The following CFAP77 variants were observed in gnomAD, a reference collection of about 807,000 sequenced individuals.
CFAP77 encodes cilia and flagella associated protein 77.
In CFAP77, 25 loss-of-function variants were observed where a neutral mutation model predicts 31.1. That is an observed-to-expected ratio of 0.80 (90% CI 0.59 to 1.12). The LOEUF (loss-of-function observed/expected upper bound fraction) is 1.12, where lower values mean the gene tolerates loss of function less well. CFAP77 is among the 50% of genes most tolerant of loss of function. CFAP77 has a pLI of 0.00. For synonymous variants in CFAP77, 151 were observed against 159.9 expected, an observed-to-expected ratio of 0.94 and a Z score of 0.42; for missense variants, 377 against 397.3, an observed-to-expected ratio of 0.95 and a Z score of 0.44.
chr9:132,512,983 G>A (rs1044733675), intron 3 of CFAP77, among the ~76,000 whole-genome samples: 3 of 152,040 alleles, frequency 2.0e-5, no homozygotes, highest in South Asian at 4.1e-4. Context: ...AGGTATAAAT[G>A]CTTTTATGAG....
intron 1 of CFAP77, among the ~76,000 whole-genome samples, chr9:132,479,540 G>A (rs974852100): frequency 1.3e-5 from 2 of 152,188 alleles, no homozygotes; most frequent in Admixed American, 1.3e-4. Context: ...CTGCTGCAGC[G>A]CATTGAACCT....
chr9:132,413,137 T>C (rs896019102), intron 1 of CFAP77, among the ~76,000 whole-genome samples: 15 of 152,234 alleles, frequency 9.9e-5, no homozygotes, highest in African/African-American at 3.6e-4. Flanking sequence ...TTTTCTCCAA[T>C]GAATAGGATC....
chr9:132,541,260 C>T (rs1353273963), intron 4 of CFAP77, among the ~76,000 whole-genome samples: 1 of 152,260 alleles, frequency 6.6e-6, no homozygotes, highest in Non-Finnish European at 1.5e-5. Context: ...CAGAGCTCAA[C>T]TCAGCAAACC....
At chr9:132,441,079 C>A (rs958325333) in intron 1 of CFAP77, among the ~76,000 whole-genome samples, 1 of 152,156 alleles carries the variant, frequency 6.6e-6, no homozygotes, top group Non-Finnish European at 1.5e-5. Flanking sequence ...TTCCCTTTTC[C>A]TCCTCTCTGC....
intron 5 of CFAP77, among the ~76,000 whole-genome samples, chr9:132,546,265 G>A (rs1342503206): frequency 2.0e-5 from 3 of 152,158 alleles, no homozygotes; most frequent in Non-Finnish European, 4.4e-5. Flanking sequence ...AGGGGTCCGG[G>A]CGGGTGGCCA....
At chr9:132,487,259 G>C (rs888919625) in intron 1 of CFAP77, among the ~76,000 whole-genome samples, 1 of 152,164 alleles carries the variant, frequency 6.6e-6, no homozygotes, top group Non-Finnish European at 1.5e-5. Context: ...CTTACCCAAG[G>C]TCACACGGGA....
chr9:132,451,995 G>T (rs1268463321), intron 1 of CFAP77, among the ~76,000 whole-genome samples: 1 of 151,846 alleles, frequency 6.6e-6, no homozygotes, highest in Admixed American at 6.6e-5. Flanking sequence ...TAGTAGAGAC[G>T]GGGTTTCACT....
intron 1 of CFAP77, among the ~76,000 whole-genome samples, chr9:132,467,848 G>A (rs1445299412): frequency 1.3e-5 from 2 of 152,120 alleles, no homozygotes; most frequent in African/African-American, 4.8e-5. Flanking sequence ...CCATATCCTT[G>A]CCAGCACTTG....
chr9:132,492,926 G>A (rs1025102651), intron 1 of CFAP77, among the ~76,000 whole-genome samples: 12 of 152,220 alleles, frequency 7.9e-5, no homozygotes, highest in Admixed American at 6.5e-5. Context: ...GGAGGTATCC[G>A]GGGCCAGGTG....
intron 1 of CFAP77, among the ~76,000 whole-genome samples, chr9:132,491,828 A>G (rs1215395861): frequency 6.6e-6 from 1 of 152,198 alleles, no homozygotes; most frequent in Non-Finnish European, 1.5e-5. Flanking sequence ...GTGCCGTAGG[A>G]ACTGAATTCT....
intron 3 of CFAP77, among the ~76,000 whole-genome samples, chr9:132,506,736 C>T (rs1851936744): frequency 6.6e-6 from 1 of 152,194 alleles, no homozygotes; most frequent in South Asian, 2.1e-4. Context: ...GGAGCATCCT[C>T]ATTAACTAAC....
Position 132,552,223 on chromosome 9 carries a change from G to C in CFAP77, c.732+9176G>C, listed in dbSNP as rs1293983174. The stretch of plus-strand genomic sequence containing the variant: ...AGGTCTGCATCTGTGAAGTGGGGAT[G>C]GCAACAGAGAGGACCAAGTGCAATC... On this transcript the variant is annotated intron_variant, in intron 5 of 5. Transcript: ENST00000393216. The surrounding 1 kb of genome is among the most constrained non-coding windows in gnomAD (Gnocchi z 5.5). Among the ~76,000 whole-genome samples the C allele has an allele frequency of 1.3e-5, 2 of 152,238 alleles. No homozygotes were observed. Among genetic ancestry groups the C allele is most frequent in the Non-Finnish European group, 2.9e-5 (2 of 68,044 alleles).
At position 132,481,374 on chromosome 9, in the gene CFAP77, C is replaced by G. The variant is rs1200845601; in HGVS notation, c.196-17321C>G. 6.6e-6 allele frequency among the ~76,000 whole-genome samples: 1 copy of G among 152,202 alleles called. No individual in the cohort carries two copies. Among genetic ancestry groups the G allele is most frequent in the East Asian group, 1.9e-4 (1 of 5,188 alleles). On this transcript the variant is annotated intron_variant, in intron 1 of 5. Transcript: ENST00000393216. This position sits in a 1 kb window ranked among gnomAD's most constrained non-coding sequence, Gnocchi z 5.0. ...CCTGAAACCCCATCCAAGTCCTGCC[C>G]ACTAAAGCTTGTGTATTCCTATTTC...
chr9:132,547,539 T>C (rs1218348878), intron 5 of CFAP77, among the ~76,000 whole-genome samples: 2 of 152,248 alleles, frequency 1.3e-5, no homozygotes, highest in Non-Finnish European at 2.9e-5. Context: ...ACTGATGCTA[T>C]GCTGGCGAAC....
intron 4 of CFAP77, among the ~76,000 whole-genome samples, chr9:132,538,659 T>C (rs1310470266): frequency 2.0e-5 from 3 of 152,104 alleles, no homozygotes; most frequent in Non-Finnish European, 4.4e-5. Flanking sequence ...GCACCTGTAA[T>C]CCCAGCTACT....
intron 1 of CFAP77, among the ~76,000 whole-genome samples, chr9:132,422,161 A>G (rs1214495941): frequency 6.6e-6 from 1 of 152,110 alleles, no homozygotes; most frequent in Non-Finnish European, 1.5e-5. Flanking sequence ...GGCTCACACG[A>G]CCATGCCCAG....
chr9:132,470,333 A>G (rs1851233928), intron 1 of CFAP77, among the ~76,000 whole-genome samples: 1 of 152,160 alleles, frequency 6.6e-6, no homozygotes, highest in Non-Finnish European at 1.5e-5. Context: ...GAGGGAGCTG[A>G]GGCTCAGCAG....
chr9:132,492,041 A>T (rs1457018901), intron 1 of CFAP77, among the ~76,000 whole-genome samples: 2 of 152,192 alleles, frequency 1.3e-5, no homozygotes, highest in Non-Finnish European at 2.9e-5. Flanking sequence ...TAATCTCAGC[A>T]CTTTGGGAGG....
intron 3 of CFAP77, among the ~76,000 whole-genome samples, chr9:132,519,494 G>T: frequency 6.6e-5 from 1 of 15,142 alleles, no homozygotes; most frequent in African/African-American, 2.4e-4. Context: ...GTGGGTGGGT[G>T]GATGCATGGA....
Sources: gnomAD v4.1 joint callset for allele counts (sites outside exome capture counted in the v4.1 genomes callset) on GRCh38, gnomAD v4.1.1 for gene constraint, Gnocchi (gnomAD v3.1) non-coding constraint, MANE v1.5 for transcripts, NCBI Gene and HGNC (gene_info 2026-07-23, HGNC 2026-07-21) for gene names.